Variants in TET1 observed in about 807,000 individuals in gnomAD.
TET1 encodes methylcytosine dioxygenase TET1.
TET1 carries 13 observed loss-of-function variants against 148.7 expected under a neutral mutation model. The ratio of observed to expected loss-of-function variants is 0.09; its 90% CI spans 0.06 to 0.14. The LOEUF (loss-of-function observed/expected upper bound fraction) is 0.14. Among genes scored for constraint, TET1 ranks in the 10% least tolerant of loss-of-function variants. The pLI is 1.00. For missense variants in TET1, 2,182 were observed against 2,553.8 expected (o/e 0.85, Z 3.14); for synonymous variants, 907 against 937.2 (o/e 0.97, Z 0.59).
chr10:68,662,253 C>T (rs2055131463), intron 6 of TET1, among the ~76,000 whole-genome samples: 1 of 152,074 alleles, frequency 6.6e-6, no homozygotes, highest in Non-Finnish European at 1.5e-5. Context: ...AAGTGATCCA[C>T]CCGCCTTGAC....
chr10:68,603,889 G>A (rs1463037272), intron 3 of TET1, among the ~76,000 whole-genome samples: 2 of 152,218 alleles, frequency 1.3e-5, no homozygotes, highest in Non-Finnish European at 2.9e-5. Context: ...TCCTGTAGCT[G>A]AAATGACAGC....
Position 68,573,426 on chromosome 10 carries a change from C to G in TET1, c.1088C>G (p.Ser363Cys). 6.2e-7 allele frequency: 1 copy of G among 1,614,204 alleles called. No individual in the cohort carries two copies. The part of the protein sequence containing the change: ...ANQQEVSDTT[S>C]FLGQAFGAIP... ...CAACAGGAAGTTTCTGATACCACCT[C>G]TTTCCTAGGACAGGCCTTTGGTGCT... Residue 363 changes from serine (S) to cysteine (C), a missense_variant, in exon 2 of 12, where the codon TCT becomes TGT. By Grantham distance (112) the Ser-to-Cys change is moderately radical. Transcript: ENST00000373644.
At chr10:68,579,217 A>G (rs1205874040) in intron 2 of TET1, among the ~76,000 whole-genome samples, 1 of 152,206 alleles carries the variant, frequency 6.6e-6, no homozygotes, top group Non-Finnish European at 1.5e-5. Flanking sequence ...AAAACACTGT[A>G]TCTCTAATGG....
chr10:68,678,653 G>A (rs970627889), intron 8 of TET1, among the ~76,000 whole-genome samples: 11 of 152,084 alleles, frequency 7.2e-5, no homozygotes, highest in African/African-American at 2.7e-4. Context: ...AAGTGCCTGA[G>A]GCAGGAGAAT....
chr10:68,595,845 T>C (rs955121880), intron 2 of TET1, among the ~76,000 whole-genome samples: 1 of 136,556 alleles, frequency 7.3e-6, no homozygotes, highest in Non-Finnish European at 1.5e-5. Context: ...CTTGAGCTCC[T>C]AACCTTGTGA....
intron 3 of TET1, among the ~76,000 whole-genome samples, chr10:68,637,154 A>G (rs532782117): frequency 1.3e-3 from 197 of 151,828 alleles, no homozygotes; most frequent in African/African-American, 4.7e-3. Flanking sequence ...ACGTGCCACC[A>G]TGTTCCGCTA....
At chr10:68,562,997 T>C (rs1034212935) in intron 1 of TET1, among the ~76,000 whole-genome samples, 9 of 152,194 alleles carry the variant, frequency 5.9e-5, no homozygotes, top group African/African-American at 2.2e-4. Flanking sequence ...TCTTTCGTTT[T>C]TGGCCTTTTT....
intron 3 of TET1, among the ~76,000 whole-genome samples, chr10:68,633,553 T>C (rs927535319): frequency 2.0e-5 from 3 of 152,002 alleles, no homozygotes; most frequent in African/African-American, 7.2e-5. Flanking sequence ...GGCTAATTTT[T>C]GTATTAGGTT....
At chr10:68,576,182 C>G (rs1471013069) in intron 2 of TET1, among the ~76,000 whole-genome samples, 1 of 152,000 alleles carries the variant, frequency 6.6e-6, no homozygotes, top group Admixed American at 6.6e-5. Flanking sequence ...AAAACCCCAT[C>G]TCTACTAACA....
At chr10:68,643,558 C>T (rs1287058516) in intron 3 of TET1, among the ~76,000 whole-genome samples, 1 of 152,018 alleles carries the variant, frequency 6.6e-6, no homozygotes, top group Non-Finnish European at 1.5e-5. Flanking sequence ...CGGTGGCTCA[C>T]ACCTGTAATG....
At chr10:68,681,346 A>T in intron 8 of TET1, 53 bp from the exon 9 acceptor site, 1 of 1,162,012 alleles carries the variant, frequency 8.6e-7, no homozygotes, top group Non-Finnish European at 1.3e-6. Flanking sequence ...GTTGTACCTT[A>T]AACACATGAA....
chr10:68,604,041 G>A (rs755561567), intron 3 of TET1, among the ~76,000 whole-genome samples: 3 of 152,110 alleles, frequency 2.0e-5, no homozygotes, highest in Non-Finnish European at 4.4e-5. Context: ...CATCTTGTTA[G>A]CAATGTTATT....
intron 2 of TET1, among the ~76,000 whole-genome samples, chr10:68,575,984 C>T (rs1293262276): frequency 6.7e-6 from 1 of 148,314 alleles, no homozygotes; most frequent in Non-Finnish European, 1.5e-5. Context: ...TGTGCCACTG[C>T]ACTCCAGCCT....
chr10:68,638,832 T>G (rs2054695612), intron 3 of TET1, among the ~76,000 whole-genome samples: 1 of 149,742 alleles, frequency 6.7e-6, no homozygotes, highest in Non-Finnish European at 1.5e-5. Flanking sequence ...TATAGTCAGA[T>G]TCTGTTCAAA....
At chr10:68,594,076 C>T (rs908750466) in intron 2 of TET1, among the ~76,000 whole-genome samples, 1 of 151,786 alleles carries the variant, frequency 6.6e-6, no homozygotes, top group South Asian at 2.1e-4. Flanking sequence ...CAGGCATGCG[C>T]CACCATGCCT....
At chr10:68,673,935 C>CTTTTTTTTTTTTTTTT (rs11381293) in intron 8 of TET1, among the ~76,000 whole-genome samples, 5 of 120,286 alleles carry the variant, frequency 4.2e-5, no homozygotes, top group East Asian at 2.4e-4. Context: ...CTTTCTTTTT[C>CTTTTTTTTTTTTTTTT]TTTTTTTTTT....
At chr10:68,639,613 C>T (rs558450284) in intron 3 of TET1, among the ~76,000 whole-genome samples, 7 of 152,002 alleles carry the variant, frequency 4.6e-5, no homozygotes, top group East Asian at 1.9e-4. Flanking sequence ...GGACTATAGG[C>T]GTGCACCACC....
At chr10:68,624,690 CTCTCTCTT>C (rs1292596691) in intron 3 of TET1, among the ~76,000 whole-genome samples, 238 of 123,188 alleles carry the variant, frequency 1.9e-3, no homozygotes, top group African/African-American at 6.4e-3. Flanking sequence ...CTCTCTCTCT[CTCTCTCTT>C]TCTTTCTTTT....
intron 1 of TET1, among the ~76,000 whole-genome samples, chr10:68,570,473 T>G (rs2053657239): frequency 6.6e-6 from 1 of 152,082 alleles, no homozygotes; most frequent in Non-Finnish European, 1.5e-5. Context: ...CAGTGTCTAT[T>G]ATGGCCATCT....
Sources: allele counts gnomAD v4.1 joint callset (sites outside exome capture counted in the v4.1 genomes callset), GRCh38; gene constraint gnomAD v4.1.1; transcripts MANE v1.5; gene names NCBI Gene and HGNC (gene_info 2026-07-23, HGNC 2026-07-21).